ANO10: variants seen among roughly 807,000 people sequenced by gnomAD.
ANO10 encodes anoctamin-10.
Under a neutral mutation model 74.7 loss-of-function variants are expected in ANO10, and 77 were observed. The observed-to-expected ratio is 1.03, with a 90% CI of 0.86 to 1.25. ANO10 has a LOEUF of 1.25. Among genes scored for constraint, ANO10 ranks in the 50% most tolerant of loss-of-function variants. The probability of loss-of-function intolerance (pLI) is 0.00; values close to 1 mark genes in which losing one functional copy is unlikely to be tolerated. For synonymous variants in ANO10, 279 were observed against 284.9 expected (o/e 0.98, Z 0.21); for missense variants, 721 against 778.1 (o/e 0.93, Z 0.87).
At chr3:43,460,525 TC>T (rs1466710846) in intron 11 of ANO10, among the ~76,000 whole-genome samples, 1 of 152,252 alleles carries the variant, frequency 6.6e-6, no homozygotes, top group East Asian at 1.9e-4. Flanking sequence ...TTCTGCACCC[TC>T]CCCCTCTCCC....
At chr3:43,385,308 G>A (rs2092084459) in intron 12 of ANO10, among the ~76,000 whole-genome samples, 1 of 152,164 alleles carries the variant, frequency 6.6e-6, no homozygotes, top group African/African-American at 2.4e-5. Flanking sequence ...TTACACTGTT[G>A]GTGGGAATGT....
At chr3:43,490,275 G>A (rs2076669509) in intron 11 of ANO10, among the ~76,000 whole-genome samples, 1 of 152,152 alleles carries the variant, frequency 6.6e-6, no homozygotes, top group Admixed American at 6.5e-5. Context: ...CATGGTGTGT[G>A]TGTTCCTCTC....
intron 11 of ANO10, among the ~76,000 whole-genome samples, chr3:43,456,304 C>T (rs1433227029): frequency 6.6e-6 from 1 of 152,146 alleles, no homozygotes; most frequent in Admixed American, 6.6e-5. Context: ...CTCCAGAAGT[C>T]CTATATTATA....
At chr3:43,432,776 T>A (rs1203689309) in intron 11 of ANO10, 49 bp from the exon 12 acceptor site, 2 of 1,193,004 alleles carry the variant, frequency 1.7e-6, no homozygotes, top group East Asian at 2.3e-5. Context: ...AGACCATATA[T>A]GCAAGGAAAT....
intron 11 of ANO10, among the ~76,000 whole-genome samples, chr3:43,471,042 A>T (rs2075836981): frequency 6.6e-6 from 1 of 152,246 alleles, no homozygotes; most frequent in Non-Finnish European, 1.5e-5. Flanking sequence ...TTAATGTTAC[A>T]TCATTAAACA....
At chr3:43,372,262 C>T (rs544077267) in intron 12 of ANO10, among the ~76,000 whole-genome samples, 3 of 152,164 alleles carry the variant, frequency 2.0e-5, no homozygotes, top group Non-Finnish European at 4.4e-5. Context: ...TCCCCCGGCC[C>T]AGCCCCTCTA....
intron 12 of ANO10, among the ~76,000 whole-genome samples, chr3:43,386,258 A>C (rs2092112723): frequency 6.6e-6 from 1 of 152,192 alleles, no homozygotes; most frequent in African/African-American, 2.4e-5. Context: ...CTCTTCCTGA[A>C]AGCAATCTGA....
chr3:43,524,698 A>T (rs2078112849), intron 11 of ANO10, among the ~76,000 whole-genome samples: 1 of 152,138 alleles, frequency 6.6e-6, no homozygotes, highest in Non-Finnish European at 1.5e-5. Flanking sequence ...ACTCAGCGGG[A>T]CAATGAACAC....
intron 1 of ANO10, among the ~76,000 whole-genome samples, chr3:43,655,567 G>GT (rs1323532857): frequency 1.3e-5 from 2 of 152,224 alleles, no homozygotes; most frequent in Non-Finnish European, 2.9e-5. Flanking sequence ...CTGCTGATTG[G>GT]TAGAGCAGAG....
chr3:43,483,894 G>T (rs2076365650), intron 11 of ANO10, among the ~76,000 whole-genome samples: 1 of 152,186 alleles, frequency 6.6e-6, no homozygotes, highest in African/African-American at 2.4e-5. Context: ...AAAGACAAAA[G>T]AAATGCCTGA....
chr3:43,644,615 TTGA>T (rs2083707709), intron 1 of ANO10, among the ~76,000 whole-genome samples: 2 of 152,218 alleles, frequency 1.3e-5, no homozygotes, highest in African/African-American at 2.4e-5. Context: ...CCCCTGGCTT[TTGA>T]TTGGGTTTAC....
chr3:43,556,310 C>T (rs1272703549), intron 9 of ANO10, among the ~76,000 whole-genome samples: 1 of 152,154 alleles, frequency 6.6e-6, no homozygotes, highest in Non-Finnish European at 1.5e-5. Flanking sequence ...AAAGATCAAG[C>T]CTGTGCAGAG....
chr3:43,418,925 A>G (rs1236895566), intron 12 of ANO10, among the ~76,000 whole-genome samples: 2 of 152,250 alleles, frequency 1.3e-5, no homozygotes, highest in Admixed American at 1.3e-4. Flanking sequence ...ACGTATGTCT[A>G]AGACTGCTTT....
intron 12 of ANO10, among the ~76,000 whole-genome samples, chr3:43,376,325 G>C (rs771231915): frequency 3.2e-4 from 49 of 152,214 alleles, no homozygotes; most frequent in Admixed American, 2.4e-3. Context: ...CCTGATATGA[G>C]CATGGAGAAC....
rs1210734612 is a variant in ANO10, at chr3:43,602,901, T to C, written c.140-2320A>G. The stretch of plus-strand genomic sequence containing the variant: ...TTCATGTCATCAAATAACATGCTTA[T>C]AGAGCTATTTCTTGATTTTTCAGTT... On this transcript the variant is annotated intron_variant, in intron 2 of 12. Coordinates refer to ENST00000292246, the MANE Select transcript of ANO10 (RefSeq NM_018075.5). Among the ~76,000 whole-genome samples, 3 of 152,214 alleles carry C rather than the reference T, an allele frequency of 2.0e-5. No individual in the cohort carries two copies. In the East Asian group the frequency reaches 5.8e-4, roughly 29 times the overall value.
chr3:43,401,980 C>T (rs2092489585), intron 12 of ANO10, among the ~76,000 whole-genome samples: 1 of 146,042 alleles, frequency 6.8e-6, no homozygotes, highest in Admixed American at 6.9e-5. Flanking sequence ...GTCCCATGCC[C>T]AGGTTATAAG....
chr3:43,566,816 G>C (rs1039532000), intron 7 of ANO10, among the ~76,000 whole-genome samples: 1 of 152,182 alleles, frequency 6.6e-6, no homozygotes, highest in African/African-American at 2.4e-5. Context: ...CTCAGCAACG[G>C]AACAAAGCTG....
At chr3:43,436,948 C>T (rs927767142) in intron 11 of ANO10, among the ~76,000 whole-genome samples, 1 of 152,134 alleles carries the variant, frequency 6.6e-6, no homozygotes, top group South Asian at 2.1e-4. Context: ...TGCAGAGTTA[C>T]CTGTCTCCAT....
intron 12 of ANO10, among the ~76,000 whole-genome samples, chr3:43,376,551 C>G (rs1450640806): frequency 2.0e-5 from 3 of 152,140 alleles, no homozygotes; most frequent in Non-Finnish European, 2.9e-5. Context: ...TGACCATCAA[C>G]TATGTGTGTT....
Sources: allele counts gnomAD v4.1 joint callset (sites outside exome capture counted in the v4.1 genomes callset), GRCh38; gene constraint gnomAD v4.1.1; transcripts MANE v1.5; gene names NCBI Gene and HGNC (gene_info 2026-07-23, HGNC 2026-07-21).